The following RBFOX1 variants were observed in gnomAD, a reference collection of about 807,000 sequenced individuals.
The protein encoded by RBFOX1 is RNA binding protein fox-1 homolog 1.
RBFOX1 carries 8 observed loss-of-function variants against 57.7 expected under a neutral mutation model. That is an observed-to-expected ratio of 0.14 (90% CI 0.08 to 0.25). The LOEUF (loss-of-function observed/expected upper bound fraction) is 0.25. Among genes scored for constraint, RBFOX1 ranks in the 10% least tolerant of loss-of-function variants. RBFOX1 has a pLI of 1.00. For missense variants in RBFOX1, 611 were observed against 548.5 expected (o/e 1.11, Z -1.14); for synonymous variants, 326 against 222.4 (o/e 1.47, Z -4.15).
chr16:5,759,555 C>G (rs144731444), intron 3 of RBFOX1, among the ~76,000 whole-genome samples: 1 of 152,196 alleles, frequency 6.6e-6, no homozygotes, highest in African/African-American at 2.4e-5. Flanking sequence ...GTAGCTCTTT[C>G]TATTTCTGTA....
chr16:7,573,571 A>C (rs3826219), intron 5 of RBFOX1, among the ~76,000 whole-genome samples: 39,813 of 151,836 alleles, frequency 0.26, 6,161 homozygotes, highest in Non-Finnish European at 0.34. Flanking sequence ...CAGTGGCTCA[A>C]GCCTGTAATC....
rs145077061 is a variant in RBFOX1, at chr16:6,013,682, C to G, written c.351+146347C>G. ...TCCTTTCAAGCTTTGGTTTGCTCAT[C>G]TATTTAAAAAGGAAATAATTTTTTA... On this transcript the variant is annotated intron_variant, in intron 4 of 19. Transcript: ENST00000641259. 1.9e-3 allele frequency among the ~76,000 whole-genome samples: 288 copies of G among 152,258 alleles called. 2 individuals carry two copies. The highest frequency in any genetic ancestry group is 6.8e-3 in the African/African-American group (282 of 41,556).
chr16:6,138,627 G>A (rs1041057809), intron 1 of RBFOX1, among the ~76,000 whole-genome samples: 3 of 152,124 alleles, frequency 2.0e-5, no homozygotes, highest in African/African-American at 4.8e-5. Context: ...CAGCACTTTC[G>A]GAGGCTGAGG....
At chr16:7,104,161 A>G (rs2063170696) in intron 4 of RBFOX1, among the ~76,000 whole-genome samples, 1 of 152,166 alleles carries the variant, frequency 6.6e-6, no homozygotes, top group Admixed American at 6.6e-5. Context: ...GATAAGTAAT[A>G]ACAAAGTAGC....
At chr16:7,430,419 C>G (rs536696666) in intron 4 of RBFOX1, among the ~76,000 whole-genome samples, 1 of 152,040 alleles carries the variant, frequency 6.6e-6, no homozygotes, top group African/African-American at 2.4e-5. Context: ...CCCAGCACTT[C>G]GGGAGGCTGA....
chr16:6,579,935 C>T (rs574533751), intron 2 of RBFOX1, among the ~76,000 whole-genome samples: 1 of 152,012 alleles, frequency 6.6e-6, no homozygotes, highest in South Asian at 2.1e-4. Flanking sequence ...GGTTCATGGA[C>T]CTGTTCATCT....
intron 4 of RBFOX1, among the ~76,000 whole-genome samples, chr16:7,263,656 G>C (rs2095013440): frequency 1.3e-5 from 2 of 152,118 alleles, no homozygotes. Flanking sequence ...CCAGCACAGA[G>C]AGGCCGAGGC....
chr16:5,991,308 G>GT (rs1340487257), intron 4 of RBFOX1, among the ~76,000 whole-genome samples: 16 of 152,122 alleles, frequency 1.1e-4, no homozygotes, highest in African/African-American at 3.9e-4. Flanking sequence ...ACGTCTCCCA[G>GT]GTCTGATTGC....
intron 4 of RBFOX1, among the ~76,000 whole-genome samples, chr16:7,342,821 T>C (rs1300972424): frequency 1.3e-5 from 2 of 152,264 alleles, no homozygotes; most frequent in East Asian, 1.9e-4. Context: ...CCTAAGCCAA[T>C]AGCCTGCATA....
intron 3 of RBFOX1, among the ~76,000 whole-genome samples, chr16:6,903,037 T>G (rs1349089739): frequency 6.6e-6 from 1 of 152,150 alleles, no homozygotes; most frequent in African/African-American, 2.4e-5. Flanking sequence ...ACTGCTCCTG[T>G]GAAGTGAAAC....
chr16:7,567,843 A>G (rs1473091452), intron 5 of RBFOX1, among the ~76,000 whole-genome samples: 1 of 147,090 alleles, frequency 6.8e-6, no homozygotes, highest in African/African-American at 2.5e-5. Flanking sequence ...CCATATATAT[A>G]CCTATATATA....
chr16:6,912,619 T>C (rs1379344338), intron 3 of RBFOX1, among the ~76,000 whole-genome samples: 1 of 86,652 alleles, frequency 1.2e-5, no homozygotes, highest in Non-Finnish European at 2.3e-5. Flanking sequence ...GTGTGTGTTA[T>C]TACTATTTTT....
At chr16:6,107,604 G>C (rs1032614338) in intron 1 of RBFOX1, among the ~76,000 whole-genome samples, 1 of 151,970 alleles carries the variant, frequency 6.6e-6, no homozygotes, top group Admixed American at 6.6e-5. Context: ...TGGATGCACG[G>C]ATGGATGGAT....
At chr16:6,677,752 A>G (rs977893570) in intron 3 of RBFOX1, among the ~76,000 whole-genome samples, 1 of 152,218 alleles carries the variant, frequency 6.6e-6, no homozygotes, top group Non-Finnish European at 1.5e-5. Flanking sequence ...TGAGCGATTT[A>G]TCTTCTGACA....
chr16:5,621,514 T>C (rs994893676), intron 3 of RBFOX1, among the ~76,000 whole-genome samples: 1 of 152,050 alleles, frequency 6.6e-6, no homozygotes, highest in Non-Finnish European at 1.5e-5. Context: ...CACGGATGAA[T>C]TGAGGAAATG....
chr16:6,819,031 G>A (rs2154274748), intron 3 of RBFOX1, among the ~76,000 whole-genome samples: 1 of 152,300 alleles, frequency 6.6e-6, no homozygotes, highest in Non-Finnish European at 1.5e-5. Flanking sequence ...TAACAGAGAT[G>A]GACTATCAAC....
chr16:6,164,397 C>T (rs2152750675), intron 1 of RBFOX1, among the ~76,000 whole-genome samples: 1 of 151,860 alleles, frequency 6.6e-6, no homozygotes, highest in East Asian at 1.9e-4. Context: ...AGGAATCTTG[C>T]ATTTCCAAAA....
chr16:5,863,095 G>A (rs2057263251), intron 3 of RBFOX1, among the ~76,000 whole-genome samples: 1 of 152,164 alleles, frequency 6.6e-6, no homozygotes, highest in Non-Finnish European at 1.5e-5. Context: ...AAAGTCCCTG[G>A]TGTGGCCTTG....
chr16:6,120,035 A>G (rs751815615), intron 1 of RBFOX1, among the ~76,000 whole-genome samples: 1 of 152,236 alleles, frequency 6.6e-6, no homozygotes, highest in Non-Finnish European at 1.5e-5. Context: ...AGAATCATAC[A>G]GTATGTGGCT....
Sources: allele counts gnomAD v4.1 joint callset (sites outside exome capture counted in the v4.1 genomes callset), GRCh38; gene constraint gnomAD v4.1.1; transcripts MANE v1.5; gene names NCBI Gene and HGNC (gene_info 2026-07-23, HGNC 2026-07-21).